ROBO1: variants seen among roughly 807,000 people sequenced by gnomAD.
ROBO1 encodes the protein roundabout homolog 1.
Under a neutral mutation model 195.9 loss-of-function variants are expected in ROBO1, and 149 were observed. The ratio of observed to expected loss-of-function variants is 0.76; its 90% CI spans 0.67 to 0.87. The LOEUF is 0.87. ROBO1 is among the 40% of genes least tolerant of loss of function. The probability of loss-of-function intolerance (pLI) is 0.00; values close to 1 mark genes in which losing one functional copy is unlikely to be tolerated. For synonymous variants in ROBO1, 816 were observed against 733.2 expected, an observed-to-expected ratio of 1.11 and a Z score of -1.82; for missense variants, 1,933 against 2,068.3, an observed-to-expected ratio of 0.93 and a Z score of 1.27.
intron 8 of ROBO1, among the ~76,000 whole-genome samples, chr3:78,712,017 C>CAA (rs56267632): frequency 5.1e-4 from 39 of 76,434 alleles, no homozygotes; most frequent in African/African-American, 1.8e-3. Context: ...AAGACCTTGG[C>CAA]AAAAAAAAAA....
intron 5 of ROBO1, among the ~76,000 whole-genome samples, chr3:78,738,745 C>A (rs946383013): frequency 2.6e-5 from 4 of 152,120 alleles, no homozygotes; most frequent in African/African-American, 9.7e-5. Flanking sequence ...TAAGAAAAAA[C>A]TACTAAATAT....
chr3:79,065,906 C>T (rs1396867647), intron 3 of ROBO1, among the ~76,000 whole-genome samples: 5 of 151,956 alleles, frequency 3.3e-5, no homozygotes, highest in South Asian at 2.1e-4. Context: ...TATTTAAAAA[C>T]GTACAATTAG....
chr3:78,981,788 A>AACACACACACACACACACACACAC (rs375186931), intron 3 of ROBO1, among the ~76,000 whole-genome samples: 1 of 140,690 alleles, frequency 7.1e-6, no homozygotes, highest in African/African-American at 2.6e-5. Context: ...GGCCCCTGCC[A>AACACACACACACACACACACACAC]ACACACACAC....
At position 79,435,227 on chromosome 3, in the gene ROBO1, T is replaced by A. The variant is rs569268581; in HGVS notation, c.88+154597A>T. On this transcript the variant is annotated intron_variant, in intron 2 of 30. Coordinates refer to ENST00000464233, the MANE Select transcript of ROBO1 (RefSeq NM_002941.4). ...TAAAGTATAATAAAAAATAAATAAA[T>A]AAAAATAAAACAAGGTTCTTTTAGA... Among the ~76,000 whole-genome samples the A allele has an allele frequency of 3.2e-4, 48 of 152,064 alleles. No homozygotes were observed. The South Asian group carries it at 7.9e-3, about 25-fold the overall frequency.
At chr3:78,802,409 C>T (rs1374095704) in intron 4 of ROBO1, among the ~76,000 whole-genome samples, 1 of 152,086 alleles carries the variant, frequency 6.6e-6, no homozygotes, top group Non-Finnish European at 1.5e-5. Flanking sequence ...AAATCTTTAG[C>T]ACATGAAGGA....
At chr3:79,207,844 C>T (rs894803645) in intron 2 of ROBO1, among the ~76,000 whole-genome samples, 4 of 150,244 alleles carry the variant, frequency 2.7e-5, no homozygotes, top group African/African-American at 9.8e-5. Context: ...GTGTCTAAAT[C>T]ACTAGTAATC....
At chr3:78,956,528 T>C (rs937357112) in intron 3 of ROBO1, among the ~76,000 whole-genome samples, 4 of 152,168 alleles carry the variant, frequency 2.6e-5, no homozygotes, top group Non-Finnish European at 1.5e-5. Flanking sequence ...ATAACTGAAA[T>C]ATTTCCACAT....
intron 3 of ROBO1, among the ~76,000 whole-genome samples, chr3:79,088,225 A>G (rs145981564): frequency 1.3e-5 from 2 of 152,224 alleles, no homozygotes; most frequent in African/African-American, 2.4e-5. Flanking sequence ...TGACTTCTAA[A>G]TTGATTTAGA....
Position 79,168,330 on chromosome 3 carries a change from AT to A in ROBO1, c.89-42792del, listed in dbSNP as rs961678706. Among the ~76,000 whole-genome samples, 9 of 150,412 alleles carry A rather than the reference AT, an allele frequency of 6.0e-5. No individual in the cohort carries two copies. In the East Asian group the frequency reaches 1.2e-3, roughly 20 times the overall value. ...AATAAATACTGTTTCTTCCAGGGAG[AT>A]TTTTTTTTTCCAGAAATCCTTAAGA... is the stretch of plus-strand genomic sequence containing the variant. On this transcript the variant is annotated intron_variant, in intron 2 of 30. Transcript: ENST00000464233.
intron 16 of ROBO1, 161 bp downstream of exon 16, chr3:78,660,869 A>G: frequency 1.7e-6 from 1 of 591,800 alleles, no homozygotes; most frequent in Non-Finnish European, 2.8e-6. Context: ...TTGCTTTTCT[A>G]GTTTTCTAAA....
chr3:79,045,002 C>T (rs2108345845), intron 3 of ROBO1, among the ~76,000 whole-genome samples: 1 of 151,918 alleles, frequency 6.6e-6, no homozygotes, highest in South Asian at 2.1e-4. Flanking sequence ...ATATTATTTC[C>T]CACTATGTTT....
chr3:79,385,498 T>G (rs1000167513), intron 2 of ROBO1, among the ~76,000 whole-genome samples: 4 of 152,092 alleles, frequency 2.6e-5, no homozygotes, highest in African/African-American at 9.7e-5. Flanking sequence ...CAAAATATCT[T>G]CATGCCTTTA....
chr3:78,934,837 C>T (rs980474944), intron 4 of ROBO1, among the ~76,000 whole-genome samples: 4 of 151,874 alleles, frequency 2.6e-5, no homozygotes, highest in African/African-American at 7.3e-5. Context: ...TTTATAATAA[C>T]ATATTCTATT....
intron 1 of ROBO1, among the ~76,000 whole-genome samples, chr3:79,728,456 T>C (rs1703013620): frequency 6.6e-6 from 1 of 152,172 alleles, no homozygotes; most frequent in South Asian, 2.1e-4. Context: ...TTTGTTTTGT[T>C]ATACCGTTTC....
At chr3:79,724,289 A>T (rs191119393) in intron 1 of ROBO1, among the ~76,000 whole-genome samples, 2 of 152,218 alleles carry the variant, frequency 1.3e-5, no homozygotes, top group East Asian at 3.9e-4. Context: ...AACATAGTCA[A>T]TTAAGAAACT....
At chr3:79,235,795 T>C (rs1202457232) in intron 2 of ROBO1, among the ~76,000 whole-genome samples, 1 of 152,124 alleles carries the variant, frequency 6.6e-6, no homozygotes. Context: ...GAGACCCATA[T>C]TTAATTATAT....
At chr3:78,776,485 C>T (rs531002884) in intron 4 of ROBO1, among the ~76,000 whole-genome samples, 35 of 152,196 alleles carry the variant, frequency 2.3e-4, no homozygotes, top group Non-Finnish European at 4.4e-4. Flanking sequence ...CCTGACCTCA[C>T]GTGATCCACC....
chr3:79,423,511 A>G (rs374315492), intron 2 of ROBO1, among the ~76,000 whole-genome samples: 2 of 152,232 alleles, frequency 1.3e-5, no homozygotes, highest in South Asian at 2.1e-4. Context: ...CCACTTACAT[A>G]AATAAATAGG....
At chr3:79,303,364 C>T (rs866138333) in intron 2 of ROBO1, among the ~76,000 whole-genome samples, 31 of 152,096 alleles carry the variant, frequency 2.0e-4, no homozygotes, top group African/African-American at 7.5e-4. Context: ...CGGGGTTTCG[C>T]CACGTTGGCC....
Sources: allele counts gnomAD v4.1 joint callset (sites outside exome capture counted in the v4.1 genomes callset), GRCh38; gene constraint gnomAD v4.1.1; transcripts MANE v1.5; gene names NCBI Gene and HGNC (gene_info 2026-07-23, HGNC 2026-07-21).